Variants in YEATS2 observed in about 807,000 individuals in gnomAD.
YEATS2 encodes YEATS domain-containing protein 2.
Under a neutral mutation model 163.2 loss-of-function variants are expected in YEATS2, and 77 were observed. The observed-to-expected ratio is 0.47, with a 90% CI of 0.39 to 0.57. The LOEUF is 0.57. Among genes scored for constraint, YEATS2 ranks in the 20% least tolerant of loss-of-function variants. YEATS2 has a pLI of 0.00. For synonymous variants in YEATS2, 631 were observed against 645.1 expected (o/e 0.98, Z 0.33); for missense variants, 1,549 against 1,729.8 (o/e 0.90, Z 1.85).
chr3:183,803,190 A>G, intron 25 of YEATS2, 66 bp from the exon 26 acceptor site: 1 of 1,552,286 alleles, frequency 6.4e-7, no homozygotes, highest in South Asian at 1.2e-5. Context: ...GCTTGCCTCC[A>G]GCAAATGACG....
intron 7 of YEATS2, among the ~76,000 whole-genome samples, chr3:183,731,297 C>CAAA (rs63002261): frequency 8.1e-6 from 1 of 122,888 alleles, no homozygotes; most frequent in Admixed American, 7.7e-5. Flanking sequence ...GAGTCTGTCT[C>CAAA]AAAAAAAAAA....
At chr3:183,768,390 G>C (rs934486765) in intron 15 of YEATS2, among the ~76,000 whole-genome samples, 3 of 152,176 alleles carry the variant, frequency 2.0e-5, no homozygotes, top group Non-Finnish European at 4.4e-5. Flanking sequence ...GTCTGGGAGG[G>C]CTGGGAAATA....
chr3:183,803,979 T>G lies in YEATS2; in HGVS notation c.3583-8T>G, dbSNP rs769247639. 9 of 1,613,294 alleles carry G rather than the reference T, an allele frequency of 5.6e-6. No homozygotes were observed. The African/African-American group carries it at 8.0e-5, about 14-fold the overall frequency. On this transcript the variant is annotated splice_polypyrimidine_tract_variant and splice_region_variant and intron_variant, in intron 26 of 30. Coordinates refer to ENST00000305135, the MANE Select transcript of YEATS2 (RefSeq NM_018023.5). ...ATTATGGTTCCAAAAGAAAATTTTT[T>G]TTTTAAGTGGCAAAGAGCAATGACA...
At chr3:183,804,238 T>C (rs781188867) in intron 27 of YEATS2, 50 bp downstream of exon 27, 2 of 1,607,314 alleles carry the variant, frequency 1.2e-6, no homozygotes, top group Non-Finnish European at 1.7e-6. Flanking sequence ...TGGAGGCATT[T>C]GCTGAGGTAG....
At position 183,809,104 on chromosome 3, in the gene YEATS2, A is replaced by T. The variant is rs1164680022; in HGVS notation, c.4094A>T (p.Glu1365Val). Residue 1365 changes from glutamate to valine, a missense_variant, in exon 30 of 31, where the codon GAA becomes GTA. Coordinates refer to ENST00000305135, the MANE Select transcript of YEATS2 (RefSeq NM_018023.5). ...CAGCATCTTCCATTGTAGGCTACAGAACAGCTGGTGAATGATATCCTGAGA... is the reference window on the plus strand; with the variant it reads ...CAGCATCTTCCATTGTAGGCTACAGTACAGCTGGTGAATGATATCCTGAGA... ...VVEDMILKATEQLVNDILRQA... is the reference protein window; with the variant it reads ...VVEDMILKATVQLVNDILRQA... 1 of 1,614,184 alleles carries T rather than the reference A, an allele frequency of 6.2e-7. No homozygotes were observed. The highest frequency in any genetic ancestry group is 1.7e-5 in the Admixed American group (1 of 60,030).
intron 20 of YEATS2, among the ~76,000 whole-genome samples, chr3:183,787,016 G>A (rs908689901): frequency 6.6e-6 from 1 of 152,002 alleles, no homozygotes; most frequent in African/African-American, 2.4e-5. Context: ...GTGCAGTGAC[G>A]AGATCTCGGC....
chr3:183,798,063 G>A lies in YEATS2; in HGVS notation c.3226+12G>A. 6.2e-7 allele frequency: 1 copy of A among 1,612,984 alleles called. No homozygotes were observed. Among genetic ancestry groups the A allele is most frequent in the South Asian group, 1.1e-5 (1 of 91,022 alleles). On this transcript the variant is annotated intron_variant, in intron 22 of 30. Transcript: ENST00000305135. ...GCCTGTGAATAAAGGTGAGTCCCTT[G>A]CCCACGGGTCGTCTGTGCTGTGGCT... is the stretch of plus-strand genomic sequence containing the variant.
At chr3:183,728,097 C>G (rs1454166171) in intron 6 of YEATS2, among the ~76,000 whole-genome samples, 3 of 151,800 alleles carry the variant, frequency 2.0e-5, no homozygotes, top group Non-Finnish European at 2.9e-5. Flanking sequence ...TAGGGTCTTG[C>G]TTTGTCACCT....
chr3:183,727,072 A>G (rs1717183274), intron 6 of YEATS2, among the ~76,000 whole-genome samples: 1 of 152,174 alleles, frequency 6.6e-6, no homozygotes, highest in Non-Finnish European at 1.5e-5. Context: ...AAGTGCTGAG[A>G]TTACAGGCAT....
intron 5 of YEATS2, among the ~76,000 whole-genome samples, chr3:183,723,510 G>T (rs532871745): frequency 6.6e-6 from 1 of 151,984 alleles, no homozygotes; most frequent in Admixed American, 6.6e-5. Flanking sequence ...AAGTTCATTC[G>T]TGAGGCTGCC....
intron 7 of YEATS2, among the ~76,000 whole-genome samples, chr3:183,733,078 G>T (rs1041604826): frequency 1.3e-5 from 2 of 151,028 alleles, no homozygotes; most frequent in African/African-American, 4.9e-5. Flanking sequence ...CAGTCCTCCC[G>T]CCTTGGCTTC....
At position 183,752,525 on chromosome 3, in the gene YEATS2, C is replaced by T. The variant is rs530960203; in HGVS notation, c.1150+272C>T. On this transcript the variant is annotated intron_variant, in intron 10 of 30. Coordinates refer to ENST00000305135, the MANE Select transcript of YEATS2 (RefSeq NM_018023.5). ...GAGATTAAGACCATCCTGACTAACA[C>T]GGTGAAACCCCGTCTCTACTAAAAA... 9.8e-4 allele frequency among the ~76,000 whole-genome samples: 149 copies of T among 151,720 alleles called. 2 individuals carry two copies. The highest frequency in any genetic ancestry group is 5.0e-3 in the South Asian group (24 of 4,798).
intron 19 of YEATS2, among the ~76,000 whole-genome samples, chr3:183,781,739 CA>C (rs1241983997): frequency 6.7e-6 from 1 of 150,238 alleles, no homozygotes; most frequent in South Asian, 2.1e-4. Flanking sequence ...GACTCCGTCT[CA>C]AAAAAAAAGA....
intron 6 of YEATS2, among the ~76,000 whole-genome samples, chr3:183,727,437 G>A (rs536915085): frequency 6.6e-6 from 1 of 152,222 alleles, no homozygotes; most frequent in Admixed American, 6.5e-5. Context: ...GACCTGTCTT[G>A]TAAAGTTGTC....
At chr3:183,721,736 G>A (rs1700010149) in intron 4 of YEATS2, among the ~76,000 whole-genome samples, 155 bp from the exon 5 acceptor site, 1 of 152,206 alleles carries the variant, frequency 6.6e-6, no homozygotes, top group Non-Finnish European at 1.5e-5. Flanking sequence ...TTCAGGCTGT[G>A]CTAAGGGGTT....
chr3:183,717,890 A>G (rs1336089509), intron 3 of YEATS2, 142 bp downstream of exon 3: 2 of 390,536 alleles, frequency 5.1e-6, no homozygotes, highest in African/African-American at 5.1e-5. Context: ...AATAGCTTTC[A>G]TGTTTTGGGG....
Position 183,761,603 on chromosome 3 carries a change from G to A in YEATS2, c.1753G>A (p.Ala585Thr), listed in dbSNP as rs746377552. 4.3e-6 allele frequency: 7 copies of A among 1,613,968 alleles called. No homozygotes were observed. The South Asian group carries it at 7.7e-5, about 18-fold the overall frequency. Residue 585 changes from alanine to threonine, a missense_variant, in exon 14 of 31, where the codon GCT becomes ACT. Coordinates refer to ENST00000305135, the MANE Select transcript of YEATS2 (RefSeq NM_018023.5). ...CAAACCTATAACAGGAGGACTTGGAGCTTTCACAAAAGTGAGTATGTATTA... is the reference window on the plus strand; with the variant it reads ...CAAACCTATAACAGGAGGACTTGGAACTTTCACAAAAGTGAGTATGTATTA... ...SPKPITGGLG[A>T]FTKVIIKQEP...
intron 20 of YEATS2, 123 bp downstream of exon 20, chr3:183,786,424 TA>T: frequency 2.1e-6 from 2 of 972,340 alleles, no homozygotes; most frequent in Non-Finnish European, 2.9e-6. Context: ...CTTTTTTTTT[TA>T]AAGAAATATT....
At chr3:183,734,934 G>T (rs1032849626) in intron 7 of YEATS2, among the ~76,000 whole-genome samples, 4 of 152,168 alleles carry the variant, frequency 2.6e-5, no homozygotes, top group African/African-American at 7.2e-5. Flanking sequence ...CCTTTATTGT[G>T]TGAAGTAACG....
Sources: gnomAD v4.1 joint callset for allele counts (sites outside exome capture counted in the v4.1 genomes callset) on GRCh38, gnomAD v4.1.1 for gene constraint, MANE v1.5 for transcripts, NCBI Gene and HGNC (gene_info 2026-07-23, HGNC 2026-07-21) for gene names.